CNTN5: variants seen among roughly 807,000 people sequenced by gnomAD.
The protein encoded by CNTN5 is contactin 5, also known as contactin-5.
In CNTN5, 77 loss-of-function variants were observed where a neutral mutation model predicts 129.1. The observed-to-expected ratio is 0.60, with a 90% CI of 0.50 to 0.72. The LOEUF is 0.72. CNTN5 is among the 30% of genes least tolerant of loss of function. The probability of loss-of-function intolerance (pLI) is 0.00; values close to 1 mark genes in which losing one functional copy is unlikely to be tolerated. For missense variants in CNTN5, 1,478 were observed against 1,328.8 expected, an observed-to-expected ratio of 1.11 and a Z score of -1.75; for synonymous variants, 509 against 465.6, an observed-to-expected ratio of 1.09 and a Z score of -1.20.
intron 13 of CNTN5, among the ~76,000 whole-genome samples, chr11:100,101,928 G>C (rs1945237129): frequency 6.6e-6 from 1 of 152,102 alleles, no homozygotes; most frequent in African/African-American, 2.4e-5. Flanking sequence ...TTATGGCTGA[G>C]TAATATCAGT....
chr11:100,320,288 A>G (rs1405058656), intron 21 of CNTN5, among the ~76,000 whole-genome samples: 2 of 152,058 alleles, frequency 1.3e-5, no homozygotes, highest in African/African-American at 4.8e-5. Flanking sequence ...CATTTCCCTG[A>G]TGATTAGTGA....
chr11:99,194,515 T>C (rs1858803670), intron 1 of CNTN5, among the ~76,000 whole-genome samples: 1 of 152,204 alleles, frequency 6.6e-6, no homozygotes, highest in Non-Finnish European at 1.5e-5. Flanking sequence ...AATTTGATTA[T>C]GAGAACCTAG....
At chr11:100,100,204 T>C (rs1945172059) in intron 13 of CNTN5, among the ~76,000 whole-genome samples, 1 of 152,158 alleles carries the variant, frequency 6.6e-6, no homozygotes, top group Admixed American at 6.6e-5. Context: ...CACGGGGATC[T>C]GAAGTGCTTT....
intron 1 of CNTN5, among the ~76,000 whole-genome samples, chr11:99,100,784 G>C (rs1204055124): frequency 6.6e-6 from 1 of 151,982 alleles, no homozygotes; most frequent in East Asian, 1.9e-4. Context: ...ACTTATAAAT[G>C]TTGCACAAAT....
chr11:99,970,536 C>T (rs1951220992), intron 8 of CNTN5, among the ~76,000 whole-genome samples: 4 of 152,080 alleles, frequency 2.6e-5, no homozygotes, highest in Admixed American at 2.6e-4. Flanking sequence ...TGATAGGGTT[C>T]CTGTGAGGAT....
intron 13 of CNTN5, among the ~76,000 whole-genome samples, chr11:100,171,428 C>A (rs1947822416): frequency 6.6e-6 from 1 of 151,954 alleles, no homozygotes. Flanking sequence ...ATGAAGGTTA[C>A]AATTCTTTAC....
At chr11:99,263,633 T>G (rs1000534253) in intron 1 of CNTN5, among the ~76,000 whole-genome samples, 2 of 152,142 alleles carry the variant, frequency 1.3e-5, no homozygotes, top group African/African-American at 4.8e-5. Context: ...TTTTTATTTC[T>G]TGAGGCAGGT....
intron 7 of CNTN5, among the ~76,000 whole-genome samples, chr11:99,929,022 C>T (rs933169469): frequency 2.6e-5 from 4 of 152,086 alleles, no homozygotes; most frequent in African/African-American, 9.7e-5. Context: ...TGCCAGGTGC[C>T]CTAAATCATC....
intron 1 of CNTN5, among the ~76,000 whole-genome samples, chr11:99,160,593 C>T (rs964173267): frequency 6.6e-6 from 1 of 151,996 alleles, no homozygotes; most frequent in African/African-American, 2.4e-5. Context: ...CTAATTACAC[C>T]CCAAGGCACA....
chr11:99,899,376 C>T (rs1313423618), intron 6 of CNTN5, among the ~76,000 whole-genome samples: 3 of 151,810 alleles, frequency 2.0e-5, no homozygotes, highest in African/African-American at 4.8e-5. Flanking sequence ...ATGCATGGCT[C>T]TTATTATTTT....
At chr11:99,557,948 A>C (rs1414137169) in intron 3 of CNTN5, among the ~76,000 whole-genome samples, 1 of 151,796 alleles carries the variant, frequency 6.6e-6, no homozygotes, top group Non-Finnish European at 1.5e-5. Flanking sequence ...AAAAACAAAA[A>C]ACCAAGTAAT....
At chr11:100,161,875 A>C (rs372198603) in intron 13 of CNTN5, among the ~76,000 whole-genome samples, 2,902 of 125,902 alleles carry the variant, frequency 0.023, 91 homozygotes, top group African/African-American at 0.079. Flanking sequence ...ACACACACAA[A>C]ACAAAAAACA....
At chr11:99,224,657 A>ATGTTTT (rs1860580654) in intron 1 of CNTN5, among the ~76,000 whole-genome samples, 1 of 108,972 alleles carries the variant, frequency 9.2e-6, no homozygotes, top group Non-Finnish European at 1.8e-5. Flanking sequence ...CCAAGGTTGC[A>ATGTTTT]TTTTTTTTTT....
intron 3 of CNTN5, among the ~76,000 whole-genome samples, chr11:99,725,025 G>T (rs1417690808): frequency 6.6e-6 from 1 of 152,176 alleles, no homozygotes; most frequent in African/African-American, 2.4e-5. Context: ...TGATTGTTTA[G>T]AAATAAACTG....
Position 100,080,300 on chromosome 11 carries a change from A to G in CNTN5, c.1580+6006A>G, listed in dbSNP as rs181895800. 2.7e-3 allele frequency among the ~76,000 whole-genome samples: 392 copies of G among 147,100 alleles called. 1 individual carries two copies. The highest frequency in any genetic ancestry group is 9.1e-3 in the African/African-American group (372 of 40,738). ...CTATGGAGGTGCAGTATTATAGAAT[A>G]ATTTTTCTTTTATGGGACTGTAATC... On this transcript the variant is annotated intron_variant, in intron 13 of 24. Transcript: ENST00000524871.
chr11:100,096,782 G>A (rs1336685464), intron 13 of CNTN5, among the ~76,000 whole-genome samples: 1 of 152,026 alleles, frequency 6.6e-6, no homozygotes. Flanking sequence ...TTGGCCTGGG[G>A]ACCAATAATT....
intron 1 of CNTN5, among the ~76,000 whole-genome samples, chr11:99,040,049 CA>C: frequency 6.6e-6 from 1 of 152,112 alleles, no homozygotes; most frequent in African/African-American, 2.4e-5. Context: ...CTGATAAAAA[CA>C]ATTACCTAGC....
At chr11:99,131,802 G>T (rs1445751003) in intron 1 of CNTN5, among the ~76,000 whole-genome samples, 1 of 152,122 alleles carries the variant, frequency 6.6e-6, no homozygotes, top group South Asian at 2.1e-4. Context: ...TGGATTTACA[G>T]CTGAATTTTA....
intron 2 of CNTN5, among the ~76,000 whole-genome samples, chr11:99,368,843 G>A (rs530010766): frequency 2.0e-5 from 3 of 152,216 alleles, no homozygotes; most frequent in South Asian, 4.1e-4. Flanking sequence ...AGGGGAGAGA[G>A]AGTGAACTCA....
Sources: gnomAD v4.1 joint callset for allele counts (sites outside exome capture counted in the v4.1 genomes callset) on GRCh38, gnomAD v4.1.1 for gene constraint, MANE v1.5 for transcripts, NCBI Gene and HGNC (gene_info 2026-07-23, HGNC 2026-07-21) for gene names.